The following FAM110B variants were observed in gnomAD, a reference collection of about 807,000 sequenced individuals.
The protein encoded by FAM110B is protein FAM110B.
Under a neutral mutation model 20.4 loss-of-function variants are expected in FAM110B, and 6 were observed. The observed-to-expected ratio is 0.29, with a 90% CI of 0.16 to 0.58. The LOEUF is 0.58. FAM110B is among the 20% of genes least tolerant of loss of function. FAM110B has a pLI of 0.90. For synonymous variants in FAM110B, 226 were observed against 214.1 expected, an observed-to-expected ratio of 1.06 and a Z score of -0.49; for missense variants, 434 against 498.2, an observed-to-expected ratio of 0.87 and a Z score of 1.23.
chr8:58,039,360 G>A (rs989204317), intron 2 of FAM110B, among the ~76,000 whole-genome samples: 1 of 152,200 alleles, frequency 6.6e-6, no homozygotes, highest in Non-Finnish European at 1.5e-5. Flanking sequence ...CTGGTTGGCC[G>A]AGGCAGGCGA....
intron 1 of FAM110B, among the ~76,000 whole-genome samples, chr8:58,007,919 T>C (rs1804444894): frequency 1.3e-5 from 2 of 152,206 alleles, no homozygotes; most frequent in South Asian, 4.1e-4. Context: ...AAGGTGTTAT[T>C]TTCTTCTTTA....
chr8:58,117,450 C>T (rs1307235534), intron 3 of FAM110B, among the ~76,000 whole-genome samples: 1 of 152,174 alleles, frequency 6.6e-6, no homozygotes, highest in East Asian at 1.9e-4. Flanking sequence ...GAGGCTTTAA[C>T]CTCTCAGCAC....
chr8:58,096,209 T>G (rs1409708968), intron 3 of FAM110B, among the ~76,000 whole-genome samples: 1 of 152,178 alleles, frequency 6.6e-6, no homozygotes, highest in African/African-American at 2.4e-5. Context: ...AGAGTTTTGC[T>G]CTTTCACCCA....
At chr8:58,114,011 TG>T (rs1429399751) in intron 3 of FAM110B, among the ~76,000 whole-genome samples, 1 of 152,244 alleles carries the variant, frequency 6.6e-6, no homozygotes, top group South Asian at 2.1e-4. Flanking sequence ...AGTAACTGAC[TG>T]CCCTGCCATT....
intron 3 of FAM110B, among the ~76,000 whole-genome samples, chr8:58,139,510 G>A (rs1381577729): frequency 6.6e-6 from 1 of 152,158 alleles, no homozygotes; most frequent in African/African-American, 2.4e-5. Context: ...TTTTTGGTCA[G>A]CCTTTTACTC....
chr8:58,024,494 T>C (rs1012310898), intron 1 of FAM110B, among the ~76,000 whole-genome samples: 1 of 152,196 alleles, frequency 6.6e-6, no homozygotes, highest in African/African-American at 2.4e-5. Context: ...ACATATATTA[T>C]TTTGTTGACA....
intron 3 of FAM110B, among the ~76,000 whole-genome samples, chr8:58,112,889 G>C (rs556020438): frequency 6.6e-6 from 1 of 152,168 alleles, no homozygotes; most frequent in Non-Finnish European, 1.5e-5. Context: ...CCATACCCTT[G>C]AGTAGCTTAA....
At chr8:57,997,972 A>G (rs932833892) in intron 1 of FAM110B, among the ~76,000 whole-genome samples, 21 of 152,338 alleles carry the variant, frequency 1.4e-4, no homozygotes, top group South Asian at 2.1e-4. Flanking sequence ...TCCAGACCCC[A>G]TGAATCTTTC....
intron 3 of FAM110B, among the ~76,000 whole-genome samples, chr8:58,089,591 T>TA (rs1262388913): frequency 2.0e-5 from 3 of 152,196 alleles, no homozygotes; most frequent in African/African-American, 7.2e-5. Context: ...AGCATCAAAA[T>TA]AATTATGGCA....
intron 3 of FAM110B, chr8:58,077,035 C>A (rs978079485): frequency 2.6e-5 from 4 of 152,100 alleles, no homozygotes; most frequent in Non-Finnish European, 5.9e-5. Context: ...TATGTAGAAA[C>A]AGGAATTAAA....
chr8:58,004,695 A>G lies in FAM110B; in HGVS notation c.-512+9889A>G, dbSNP rs898161393. Among the ~76,000 whole-genome samples, 27 of 152,364 alleles carry G rather than the reference A, an allele frequency of 1.8e-4. 1 individual carries two copies. The highest frequency in any genetic ancestry group is 6.3e-4 in the African/African-American group (26 of 41,586). On this transcript the variant is annotated intron_variant, in intron 1 of 3. Transcript: ENST00000519262. ...GGGAAGCGGAGATTGCAGTGAGCTGAGATCGCACCACTGCACTCCAGCCTG... is the reference window on the plus strand; with the variant it reads ...GGGAAGCGGAGATTGCAGTGAGCTGGGATCGCACCACTGCACTCCAGCCTG...
intron 3 of FAM110B, among the ~76,000 whole-genome samples, chr8:58,140,405 G>C (rs1372670712): frequency 6.6e-6 from 1 of 152,152 alleles, no homozygotes; most frequent in African/African-American, 2.4e-5. Context: ...CCATTTTCCA[G>C]ATGGGAAATC....
intron 2 of FAM110B, among the ~76,000 whole-genome samples, chr8:58,045,961 A>G (rs1408361275): frequency 6.6e-6 from 1 of 152,194 alleles, no homozygotes; most frequent in East Asian, 1.9e-4. Context: ...GTGGGTTCAC[A>G]AGGCAGAAGG....
intron 3 of FAM110B, among the ~76,000 whole-genome samples, chr8:58,097,669 C>G (rs551784364): frequency 6.6e-6 from 1 of 152,270 alleles, no homozygotes; most frequent in East Asian, 1.9e-4. Flanking sequence ...GGTTTCTCTC[C>G]GTCTTCATGG....
intron 3 of FAM110B, among the ~76,000 whole-genome samples, chr8:58,135,563 T>A (rs1291337795): frequency 6.6e-6 from 1 of 152,242 alleles, no homozygotes; most frequent in Non-Finnish European, 1.5e-5. Flanking sequence ...GAAATTAAAA[T>A]ATTTTTCAAA....
Position 58,029,679 on chromosome 8 carries a change from G to T in FAM110B, c.-511-1927G>T, listed in dbSNP as rs1057235298. Among the ~76,000 whole-genome samples, 8 of 152,174 alleles carry T rather than the reference G, an allele frequency of 5.3e-5. No homozygotes were observed. The South Asian group carries it at 6.2e-4, about 12-fold the overall frequency. The stretch of plus-strand genomic sequence containing the variant: ...GGGAATCTGGAGCTGGCTTAGCTGT[G>T]TGACTTTGAAGTGGTCACTTAACCA... On this transcript the variant is annotated intron_variant, in intron 1 of 3. Coordinates refer to ENST00000519262, the MANE Select transcript of FAM110B (RefSeq NM_001377989.1).
chr8:58,127,588 AC>A (rs1031141968), intron 3 of FAM110B, among the ~76,000 whole-genome samples: 1 of 152,216 alleles, frequency 6.6e-6, no homozygotes, highest in Non-Finnish European at 1.5e-5. Context: ...AAACCCTAGA[AC>A]CAAAAGGTGA....
intron 3 of FAM110B, among the ~76,000 whole-genome samples, chr8:58,126,945 T>C (rs191678539): frequency 6.6e-6 from 1 of 152,350 alleles, no homozygotes; most frequent in African/African-American, 2.4e-5. Flanking sequence ...GATCACTCTT[T>C]TGATGTCATA....
At chr8:58,113,921 C>T (rs1807130163) in intron 3 of FAM110B, among the ~76,000 whole-genome samples, 1 of 152,210 alleles carries the variant, frequency 6.6e-6, no homozygotes. Flanking sequence ...TAAGTGACTT[C>T]TTGGTATTAC....
Sources: allele counts gnomAD v4.1 joint callset (sites outside exome capture counted in the v4.1 genomes callset), GRCh38; gene constraint gnomAD v4.1.1; transcripts MANE v1.5; gene names NCBI Gene and HGNC (gene_info 2026-07-23, HGNC 2026-07-21).